Variants in SYNDIG1 observed in about 807,000 individuals in gnomAD.
The protein encoded by SYNDIG1 is synapse differentiation inducing 1, also known as synapse differentiation-inducing gene protein 1.
SYNDIG1 carries 9 observed loss-of-function variants against 19.4 expected under a neutral mutation model. That is an observed-to-expected ratio of 0.46 (90% CI 0.28 to 0.81). SYNDIG1 has a LOEUF of 0.81. SYNDIG1 is among the 30% of genes least tolerant of loss of function. The pLI is 0.12. For missense variants in SYNDIG1, 311 were observed against 343.3 expected (o/e 0.91, Z 0.74); for synonymous variants, 141 against 145.9 (o/e 0.97, Z 0.24).
At chr20:24,641,747 G>A (rs572870722) in intron 3 of SYNDIG1, among the ~76,000 whole-genome samples, 13 of 152,228 alleles carry the variant, frequency 8.5e-5, no homozygotes, top group East Asian at 7.7e-4. Context: ...GATGGAGCAC[G>A]GAGTGTGCAG....
At chr20:24,527,249 AT>A (rs202075283) in intron 1 of SYNDIG1, among the ~76,000 whole-genome samples, 2 of 151,178 alleles carry the variant, frequency 1.3e-5, no homozygotes, top group African/African-American at 4.9e-5. Flanking sequence ...TCTGGATTAC[AT>A]TTTTTTTCTT....
chr20:24,517,311 A>T (rs1052514700), intron 1 of SYNDIG1, among the ~76,000 whole-genome samples: 5 of 148,176 alleles, frequency 3.4e-5, no homozygotes, highest in Non-Finnish European at 7.5e-5. Context: ...AAAAAAAAAA[A>T]TAAATAAATA....
At chr20:24,492,422 A>G (rs1167637925) in intron 1 of SYNDIG1, among the ~76,000 whole-genome samples, 2 of 152,236 alleles carry the variant, frequency 1.3e-5, no homozygotes, top group Non-Finnish European at 2.9e-5. Flanking sequence ...ATTGTCATCT[A>G]TCTTGGGAAA....
intron 1 of SYNDIG1, among the ~76,000 whole-genome samples, chr20:24,520,800 G>T (rs577896032): frequency 6.6e-6 from 1 of 151,842 alleles, no homozygotes; most frequent in African/African-American, 2.4e-5. Flanking sequence ...ATTTTTTTGA[G>T]AAAAGTCCTT....
intron 2 of SYNDIG1, among the ~76,000 whole-genome samples, chr20:24,571,882 T>G (rs994831306): frequency 2.0e-5 from 3 of 152,220 alleles, no homozygotes; most frequent in Admixed American, 6.5e-5. Context: ...ATTTGTTTTA[T>G]CTGAGCTCCT....
intron 1 of SYNDIG1, among the ~76,000 whole-genome samples, chr20:24,495,238 C>G (rs994827456): frequency 2.0e-5 from 3 of 152,198 alleles, no homozygotes; most frequent in Non-Finnish European, 2.9e-5. Flanking sequence ...TCAGCTGTTT[C>G]AGAAGACAGG....
chr20:24,537,304 C>T (rs2057381444), intron 1 of SYNDIG1, among the ~76,000 whole-genome samples: 1 of 152,204 alleles, frequency 6.6e-6, no homozygotes, highest in South Asian at 2.1e-4. Context: ...GAATCACATG[C>T]ACCCATCAAC....
chr20:24,480,106 G>C (rs1035733823), intron 1 of SYNDIG1, among the ~76,000 whole-genome samples: 1 of 152,196 alleles, frequency 6.6e-6, no homozygotes, highest in Non-Finnish European at 1.5e-5. Context: ...CAGAGGCTTA[G>C]CTTGATCATC....
intron 1 of SYNDIG1, among the ~76,000 whole-genome samples, chr20:24,479,791 C>T (rs1276076978): frequency 6.6e-6 from 1 of 152,184 alleles, no homozygotes; most frequent in Non-Finnish European, 1.5e-5. Flanking sequence ...AGATCCGCCT[C>T]TGGGGCGCTC....
intron 3 of SYNDIG1, among the ~76,000 whole-genome samples, chr20:24,639,484 T>C (rs994027893): frequency 2.6e-5 from 4 of 152,188 alleles, no homozygotes; most frequent in Non-Finnish European, 5.9e-5. Flanking sequence ...TCTCCGGGGA[T>C]GGGAGACAGC....
intron 1 of SYNDIG1, among the ~76,000 whole-genome samples, chr20:24,475,084 G>A (rs1420545075): frequency 7.2e-5 from 11 of 152,204 alleles, no homozygotes; most frequent in Admixed American, 7.2e-4. Flanking sequence ...CTTCTGTCAT[G>A]AGTACAATAG....
chr20:24,593,505 G>A (rs574525446), intron 3 of SYNDIG1, among the ~76,000 whole-genome samples: 4 of 152,232 alleles, frequency 2.6e-5, no homozygotes, highest in East Asian at 1.9e-4. Context: ...ACATATGCAC[G>A]CATATGTCTT....
chr20:24,624,796 G>A (rs2059096687), intron 3 of SYNDIG1, among the ~76,000 whole-genome samples: 1 of 151,934 alleles, frequency 6.6e-6, no homozygotes, highest in Admixed American at 6.6e-5. Context: ...CATATTCTGG[G>A]TCACAAAAAA....
At chr20:24,538,928 C>T (rs1050981199) in intron 1 of SYNDIG1, among the ~76,000 whole-genome samples, 2 of 152,104 alleles carry the variant, frequency 1.3e-5, no homozygotes, top group East Asian at 3.9e-4. Flanking sequence ...TATTCAAGAC[C>T]TTTGCCAGTT....
At chr20:24,609,503 A>G (rs1407998454) in intron 3 of SYNDIG1, among the ~76,000 whole-genome samples, 3 of 152,210 alleles carry the variant, frequency 2.0e-5, no homozygotes, top group South Asian at 2.1e-4. Context: ...GCAGCACTCA[A>G]GCACACACAG....
At chr20:24,589,741 A>G (rs971734779) in intron 3 of SYNDIG1, among the ~76,000 whole-genome samples, 1 of 152,178 alleles carries the variant, frequency 6.6e-6, no homozygotes, top group African/African-American at 2.4e-5. Context: ...CTGCAACATT[A>G]TAACAATAAT....
rs187526644 is a variant in SYNDIG1, at chr20:24,560,184, T to G, written c.480+16607T>G. Among the ~76,000 whole-genome samples, 14 of 147,026 alleles carry G rather than the reference T, an allele frequency of 9.5e-5. No individual in the cohort carries two copies. The East Asian group carries it at 2.5e-3, about 26-fold the overall frequency. On this transcript the variant is annotated intron_variant, in intron 2 of 3. Coordinates refer to ENST00000376862, the MANE Select transcript of SYNDIG1 (RefSeq NM_024893.3). ...CCCGGGTTCCAGTAATTCTACTGCC[T>G]CAGCCTCCTGAGTAGCTGGGATTAC...
At chr20:24,484,704 A>C (rs2055907597) in intron 1 of SYNDIG1, among the ~76,000 whole-genome samples, 1 of 152,218 alleles carries the variant, frequency 6.6e-6, no homozygotes, top group Non-Finnish European at 1.5e-5. Flanking sequence ...CTTGCCCTAC[A>C]CACAATAGGT....
chr20:24,552,292 AG>A (rs2057720848), intron 2 of SYNDIG1, among the ~76,000 whole-genome samples: 1 of 152,150 alleles, frequency 6.6e-6, no homozygotes, highest in African/African-American at 2.4e-5. Flanking sequence ...ATTATTGCCA[AG>A]GAAGAGGGCT....
Sources: allele counts gnomAD v4.1 joint callset (sites outside exome capture counted in the v4.1 genomes callset), GRCh38; gene constraint gnomAD v4.1.1; transcripts MANE v1.5; gene names NCBI Gene and HGNC (gene_info 2026-07-23, HGNC 2026-07-21).